Variants in MAP3K8 observed in about 807,000 individuals in gnomAD.
The protein encoded by MAP3K8 is Ewing sarcoma transformant.
Under a neutral mutation model 45.8 loss-of-function variants are expected in MAP3K8, and 22 were observed. That is an observed-to-expected ratio of 0.48 (90% confidence interval 0.34 to 0.69). MAP3K8 has a LOEUF of 0.69. Among genes scored for constraint, MAP3K8 ranks in the 30% least tolerant of loss-of-function variants. The pLI, the probability that MAP3K8 is intolerant of heterozygous loss-of-function variation, is 0.01. For synonymous variants in MAP3K8, 223 were observed against 214.3 expected, an observed-to-expected ratio of 1.04 and a Z score of -0.36; for missense variants, 419 against 585.0, an observed-to-expected ratio of 0.72 and a Z score of 2.93.
intron 3 of MAP3K8, among the ~76,000 whole-genome samples, chr10:30,444,092 A>G (rs1306446767): frequency 6.6e-6 from 1 of 151,880 alleles, no homozygotes; most frequent in Non-Finnish European, 1.5e-5. Context: ...TGGGAGGCCG[A>G]GATGGGAGGA....
At chr10:30,448,275 T>C (rs909030125) in intron 4 of MAP3K8, among the ~76,000 whole-genome samples, 2 of 152,154 alleles carry the variant, frequency 1.3e-5, no homozygotes, top group Non-Finnish European at 2.9e-5. Context: ...AGCAATTCTC[T>C]GTGCTTCTCC....
chr10:30,450,680 C>T lies in MAP3K8; in HGVS notation c.766+161C>T, dbSNP rs139071401. The T allele has an allele frequency of 1.2e-3, 762 of 632,892 alleles. 8 individuals carry two copies. The African/African-American group carries it at 0.013, about 10-fold the overall frequency. The allele number at this position is 632,892 out of a possible 1,614,324, so 39.2% of individuals were successfully genotyped here. A position where few individuals can be genotyped will look rare whatever the true frequency, so the allele number is the denominator to read the frequency against. Reference sequence around the variant, plus strand: ...TCCAGAGACATATCTTAGAATCATGCGGGGTTACTAGAGCTTTCAAAGTCA... The same window carrying T: ...TCCAGAGACATATCTTAGAATCATGTGGGGTTACTAGAGCTTTCAAAGTCA... On this transcript the variant is annotated intron_variant, in intron 5 of 8. Transcript: ENST00000263056.
intron 6 of MAP3K8, among the ~76,000 whole-genome samples, chr10:30,455,359 T>A (rs1836698383): frequency 6.6e-6 from 1 of 152,340 alleles, no homozygotes; most frequent in East Asian, 1.9e-4. Context: ...TAGAATTTGA[T>A]CATGTGGCTA....
chr10:30,458,453 A>C (rs1332758714), intron 7 of MAP3K8, among the ~76,000 whole-genome samples: 1 of 152,278 alleles, frequency 6.6e-6, no homozygotes, highest in Non-Finnish European at 1.5e-5. Flanking sequence ...TAAAATGTGC[A>C]TTGGGCATAA....
intron 6 of MAP3K8, among the ~76,000 whole-genome samples, chr10:30,456,006 G>T (rs1246206381): frequency 6.6e-6 from 1 of 152,160 alleles, no homozygotes; most frequent in Non-Finnish European, 1.5e-5. Flanking sequence ...CATCCCCCCA[G>T]GCTGCCTAGG....
chr10:30,443,512 C>T (rs941805184), intron 3 of MAP3K8, among the ~76,000 whole-genome samples: 1 of 152,184 alleles, frequency 6.6e-6, no homozygotes, highest in African/African-American at 2.4e-5. Context: ...ACTCTCTCAT[C>T]ATCTGGGCAG....
intron 1 of MAP3K8, chr10:30,434,645 C>T: frequency 1.0e-6 from 1 of 985,792 alleles, no homozygotes; most frequent in Non-Finnish European, 1.2e-6. Flanking sequence ...AGCGCCAGGG[C>T]AGTGCTGGTC....
intron 6 of MAP3K8, among the ~76,000 whole-genome samples, chr10:30,451,965 C>T (rs779513715): frequency 6.6e-6 from 1 of 151,926 alleles, no homozygotes; most frequent in African/African-American, 2.4e-5. Flanking sequence ...ATTTATAATA[C>T]ATAATAGTAT....
chr10:30,447,528 GCAATTAATTACT>G (rs965157651), intron 3 of MAP3K8, among the ~76,000 whole-genome samples: 2 of 152,104 alleles, frequency 1.3e-5, no homozygotes, highest in Non-Finnish European at 2.9e-5. Flanking sequence ...GTTCTATTTG[GCAATTAATTACT>G]CATGAGTAGG....
At chr10:30,459,566 T>G in intron 8 of MAP3K8, 65 bp downstream of exon 8, 2 of 1,573,944 alleles carry the variant, frequency 1.3e-6, no homozygotes. Flanking sequence ...ATCAAACCTC[T>G]GATGTAGTTC....
chr10:30,454,274 C>G (rs1027136316), intron 6 of MAP3K8, among the ~76,000 whole-genome samples: 2 of 152,160 alleles, frequency 1.3e-5, no homozygotes, highest in African/African-American at 4.8e-5. Context: ...TCTAGTCTAG[C>G]TAGTATACGT....
Position 30,437,617 on chromosome 10 carries a change from A to G in MAP3K8, c.-24+211A>G, listed in dbSNP as rs139039400. Among the ~76,000 whole-genome samples the G allele has an allele frequency of 1.4e-4, 21 of 152,368 alleles. No homozygotes were observed. The East Asian group carries it at 4.0e-3, about 29-fold the overall frequency. ...ACAATTCATACGTCAGAAAATGACCATCAAGTAAGTGAATGATGACACTAA... is the reference window on the plus strand; with the variant it reads ...ACAATTCATACGTCAGAAAATGACCGTCAAGTAAGTGAATGATGACACTAA... On this transcript the variant is annotated intron_variant, in intron 2 of 8. Coordinates refer to ENST00000263056, the MANE Select transcript of MAP3K8 (RefSeq NM_005204.4).
Position 30,437,229 on chromosome 10 carries a change from T to G in MAP3K8, c.-201T>G, listed in dbSNP as rs143510730. On this transcript the variant is annotated 5_prime_UTR_variant, in exon 2 of 9. Coordinates refer to ENST00000263056, the MANE Select transcript of MAP3K8 (RefSeq NM_005204.4). ...GGGGAATAGGTAGCCACATCTTGTT[T>G]GCAGATAAGAAAGGAAGCTAACGCA... 1,746 of 985,362 alleles carry G rather than the reference T, an allele frequency of 1.8e-3. 29 individuals are homozygous for G. In the African/African-American group the frequency reaches 0.028, roughly 16 times the overall value. 61.0% of individuals were successfully genotyped at this position (985,362 alleles called of 1,614,324 possible). A position where few individuals can be genotyped will look rare whatever the true frequency, so the allele number is the denominator to read the frequency against.
chr10:30,437,938 G>A (rs895020442), intron 2 of MAP3K8, among the ~76,000 whole-genome samples: 1 of 152,202 alleles, frequency 6.6e-6, no homozygotes, highest in African/African-American at 2.4e-5. Context: ...TTCTCCTTCA[G>A]AACAGAGTTG....
intron 5 of MAP3K8, 90 bp downstream of exon 5, chr10:30,450,609 C>G: frequency 3.3e-6 from 4 of 1,229,686 alleles, no homozygotes; most frequent in Non-Finnish European, 4.7e-6. Flanking sequence ...TGAAGACCCT[C>G]CATGGAGGGT....
At chr10:30,454,521 T>C (rs560955439) in intron 6 of MAP3K8, among the ~76,000 whole-genome samples, 1 of 151,252 alleles carries the variant, frequency 6.6e-6, no homozygotes, top group East Asian at 1.9e-4. Context: ...GCTGTGATTA[T>C]GCCACTGCAC....
At chr10:30,435,606 G>T (rs753738669) in intron 1 of MAP3K8, among the ~76,000 whole-genome samples, 2 of 152,170 alleles carry the variant, frequency 1.3e-5, no homozygotes, top group Non-Finnish European at 2.9e-5. Flanking sequence ...AGGCTGGAGC[G>T]CAATGGCGCG....
rs1210117964 is a variant in MAP3K8, at chr10:30,454,969, A to G, written c.874-3115A>G. ...ATTTATGGTATTAAAGATGGAAAAT[A>G]CTTTTCTCTTCCTGGCAATGTGGTG... On this transcript the variant is annotated intron_variant, in intron 6 of 8. Transcript: ENST00000263056. Among the ~76,000 whole-genome samples the G allele has an allele frequency of 3.9e-5, 6 of 152,196 alleles. No individual in the cohort carries two copies. The East Asian group carries it at 9.6e-4, about 24-fold the overall frequency.
At chr10:30,447,661 C>G in intron 3 of MAP3K8, 121 bp from the exon 4 acceptor site, 1 of 772,854 alleles carries the variant, frequency 1.3e-6, no homozygotes, top group South Asian at 1.5e-5. Context: ...AGCACAGTGA[C>G]ATTAATTTCA....
Sources: gnomAD v4.1 joint callset for allele counts (sites outside exome capture counted in the v4.1 genomes callset) on GRCh38, gnomAD v4.1.1 for gene constraint, MANE v1.5 for transcripts, NCBI Gene and HGNC (gene_info 2026-07-23, HGNC 2026-07-21) for gene names.